EYS: variants seen among roughly 807,000 people sequenced by gnomAD.
EYS encodes the protein protein eyes shut homolog.
EYS carries 250 observed loss-of-function variants against 282.1 expected under a neutral mutation model. The ratio of observed to expected loss-of-function variants is 0.89; its 90% CI spans 0.80 to 0.98. The LOEUF (loss-of-function observed/expected upper bound fraction) is 0.98. Ranked by LOEUF, EYS falls within the 50% of genes least tolerant of loss-of-function variation. EYS has a pLI of 0.00. For missense variants in EYS, 4,016 were observed against 3,709.0 expected (o/e 1.08, Z -2.15); for synonymous variants, 1,355 against 1,282.9 (o/e 1.06, Z -1.20).
intron 41 of EYS, chr6:63,744,814 C>T (rs530132047): frequency 1.9e-5 from 4 of 214,820 alleles, no homozygotes; most frequent in Middle Eastern, 4.9e-4. Flanking sequence ...GTGATTTGCC[C>T]GCCTTGGCCT....
chr6:65,472,775 T>C (rs779386520), intron 5 of EYS, among the ~76,000 whole-genome samples: 4 of 152,056 alleles, frequency 2.6e-5, no homozygotes, highest in Non-Finnish European at 5.9e-5. Flanking sequence ...CATATTTTAT[T>C]TAAAACTCAC....
intron 32 of EYS, among the ~76,000 whole-genome samples, chr6:64,068,014 A>G (rs1169738668): frequency 6.6e-6 from 1 of 152,152 alleles, no homozygotes; most frequent in Non-Finnish European, 1.5e-5. Context: ...TATATCTAGG[A>G]GTTGAATAGC....
intron 22 of EYS, among the ~76,000 whole-genome samples, chr6:64,701,066 A>G (rs1034572415): frequency 6.6e-5 from 10 of 152,068 alleles, no homozygotes; most frequent in African/African-American, 2.2e-4. Context: ...AAATAAAGTC[A>G]CGTAACTATA....
chr6:64,197,983 A>T (rs1314568898), intron 31 of EYS, among the ~76,000 whole-genome samples: 1 of 149,930 alleles, frequency 6.7e-6, no homozygotes, highest in African/African-American at 2.4e-5. Context: ...TTTAATTTTT[A>T]TTTATTTATT....
At chr6:65,430,123 G>A (rs556423790) in intron 5 of EYS, among the ~76,000 whole-genome samples, 4 of 152,068 alleles carry the variant, frequency 2.6e-5, no homozygotes, top group African/African-American at 4.8e-5. Context: ...AGAATAGAAG[G>A]CTCCATCAAT....
chr6:64,814,030 T>C (rs944674834), intron 21 of EYS, among the ~76,000 whole-genome samples: 1 of 152,058 alleles, frequency 6.6e-6, no homozygotes, highest in Non-Finnish European at 1.5e-5. Context: ...TTTGATCACA[T>C]ACTTAGAACA....
chr6:64,599,632 C>A lies in EYS; in HGVS notation c.3685-6323G>T, dbSNP rs568044121. Reference sequence around the variant, plus strand: ...TTGAAAATATGAGTCTCTCTTGAAGCAGAATTATTAATAGTTTCAATAAAA... The same window carrying A: ...TTGAAAATATGAGTCTCTCTTGAAGAAGAATTATTAATAGTTTCAATAAAA... On this transcript the variant is annotated intron_variant, in intron 24 of 42. Transcript: ENST00000503581. Among the ~76,000 whole-genome samples, 26 of 151,986 alleles carry A rather than the reference C, an allele frequency of 1.7e-4. 1 individual carries two copies. The highest frequency in any genetic ancestry group is 1.6e-3 in the Admixed American group (25 of 15,262).
rs558203055 is a variant in EYS, at chr6:63,788,024, T to C, written c.7723+81A>G. On this transcript the variant is annotated intron_variant, in intron 39 of 42. Coordinates refer to ENST00000503581, the MANE Select transcript of EYS (RefSeq NM_001142800.2). ...CAATCCATATAGCTGGTTTGGGAAA[T>C]AGAAGTATACTCTTTAAAATATTTT... The C allele has an allele frequency of 9.7e-4, 1,047 of 1,084,046 alleles. 3 individuals carry two copies. Among genetic ancestry groups the C allele is most frequent in the Non-Finnish European group, 1.2e-3 (939 of 778,770 alleles). 67.2% of individuals were successfully genotyped at this position (1,084,046 alleles called of 1,614,324 possible).
chr6:64,332,373 A>G (rs1453476830), intron 29 of EYS, among the ~76,000 whole-genome samples: 2 of 152,238 alleles, frequency 1.3e-5, no homozygotes, highest in Non-Finnish European at 2.9e-5. Context: ...AAGGGTGGGT[A>G]AGGAAAAGAA....
At chr6:65,189,424 C>T (rs1765590255) in intron 12 of EYS, among the ~76,000 whole-genome samples, 2 of 151,726 alleles carry the variant, frequency 1.3e-5, no homozygotes, top group South Asian at 4.1e-4. Context: ...GCACATGTAT[C>T]ACTCTATGGA....
At chr6:64,882,185 C>T (rs1766946475) in intron 19 of EYS, among the ~76,000 whole-genome samples, 1 of 151,678 alleles carries the variant, frequency 6.6e-6, no homozygotes, top group Non-Finnish European at 1.5e-5. Flanking sequence ...TGTCTTTCTC[C>T]ATTGCGTCCA....
chr6:64,549,474 CTG>C (rs1449399375), intron 26 of EYS, among the ~76,000 whole-genome samples: 1 of 152,138 alleles, frequency 6.6e-6, no homozygotes, highest in Non-Finnish European at 1.5e-5. Context: ...GGAAGATTAA[CTG>C]TGAGATGGTT....
chr6:63,811,922 C>T (rs923315493), intron 36 of EYS, among the ~76,000 whole-genome samples: 2 of 152,118 alleles, frequency 1.3e-5, no homozygotes, highest in Admixed American at 6.6e-5. Context: ...ATTACACTGC[C>T]GCTTTTCACT....
intron 22 of EYS, among the ~76,000 whole-genome samples, chr6:64,784,896 T>A (rs1294871533): frequency 2.6e-5 from 4 of 152,110 alleles, no homozygotes; most frequent in Non-Finnish European, 5.9e-5. Flanking sequence ...ATCAGTTGTA[T>A]TCGAGGCCCC....
intron 33 of EYS, among the ~76,000 whole-genome samples, chr6:64,059,191 A>G (rs1203763815): frequency 6.6e-6 from 1 of 152,112 alleles, no homozygotes; most frequent in African/African-American, 2.4e-5. Flanking sequence ...ATTTTATATT[A>G]TAGATGTACT....
chr6:64,171,596 A>T lies in EYS; in HGVS notation c.6424+58996T>A, dbSNP rs569198441. On this transcript the variant is annotated intron_variant, in intron 31 of 42. Coordinates refer to ENST00000503581, the MANE Select transcript of EYS (RefSeq NM_001142800.2). ...TTTTGAAGCAAAAGAAAACCTTTGA[A>T]GATATAATATTGATTAATGATTATT... Among the ~76,000 whole-genome samples the T allele has an allele frequency of 2.0e-5, 3 of 149,034 alleles. No homozygotes were observed. In the East Asian group the frequency reaches 6.2e-4, roughly 31 times the overall value.
In EYS at chr6:63,863,663, CTTTTCTT is replaced by C. The variant is rs1214765364; in HGVS notation, c.7228+516_7228+522del. Reference sequence around the variant, plus strand: ...TTTTTCTTTTCTTTTCTTTTCTTTTCTTTTCTTTTTTCTTTTTTTTTTTTTTTTTTGA... The same window carrying C: ...TTTTTCTTTTCTTTTCTTTTCTTTTCTTTTCTTTTTTTTTTTTTTTTTTGA... On this transcript the variant is annotated intron_variant, in intron 36 of 42. Transcript: ENST00000503581. Among the ~76,000 whole-genome samples the C allele has an allele frequency of 4.4e-3, 246 of 55,748 alleles. 1 individual carries two copies. The highest frequency in any genetic ancestry group is 0.016 in the East Asian group (36 of 2,242). The allele number at this position is 55,748 out of a possible 152,430, so 36.6% of individuals were successfully genotyped here.
chr6:64,498,996 G>A (rs997169997), intron 26 of EYS, among the ~76,000 whole-genome samples: 7 of 151,982 alleles, frequency 4.6e-5, no homozygotes, highest in South Asian at 4.2e-4. Flanking sequence ...ATTGTTGGGC[G>A]AAATGGTATT....
At chr6:64,043,264 A>G (rs1770471661) in intron 33 of EYS, among the ~76,000 whole-genome samples, 1 of 152,334 alleles carries the variant, frequency 6.6e-6, no homozygotes, top group African/African-American at 2.4e-5. Flanking sequence ...CAGGAGTATA[A>G]TTGGTACAGC....
Sources: allele counts gnomAD v4.1 joint callset (sites outside exome capture counted in the v4.1 genomes callset), GRCh38; gene constraint gnomAD v4.1.1; transcripts MANE v1.5; gene names NCBI Gene and HGNC (gene_info 2026-07-23, HGNC 2026-07-21).